The following SS18L1 variants were observed in gnomAD, a reference collection of about 807,000 sequenced individuals.
The protein encoded by SS18L1 is calcium-responsive transactivator.
SS18L1 carries 32 observed loss-of-function variants against 70.3 expected under a neutral mutation model. The observed-to-expected ratio is 0.46, with a 90% CI of 0.34 to 0.61. SS18L1 has a LOEUF of 0.61. Ranked by LOEUF, SS18L1 falls within the 20% of genes least tolerant of loss-of-function variation. The pLI is 0.01. For synonymous variants in SS18L1, 237 were observed against 229.7 expected (o/e 1.03, Z -0.29); for missense variants, 430 against 542.1 (o/e 0.79, Z 2.05).
At chr20:62,149,398 T>C (rs1478143099) in intron 1 of SS18L1, among the ~76,000 whole-genome samples, 1 of 152,218 alleles carries the variant, frequency 6.6e-6, no homozygotes, top group Non-Finnish European at 1.5e-5. Flanking sequence ...GACACTGGTC[T>C]GATTCTAATC....
At chr20:62,146,112 G>A (rs2057021114) in intron 1 of SS18L1, among the ~76,000 whole-genome samples, 1 of 152,100 alleles carries the variant, frequency 6.6e-6, no homozygotes, top group Non-Finnish European at 1.5e-5. Flanking sequence ...TAGTGAAGGA[G>A]AAAGAGGTCT....
chr20:62,152,458 C>T (rs1340084714), intron 1 of SS18L1, among the ~76,000 whole-genome samples: 8 of 152,186 alleles, frequency 5.3e-5, no homozygotes, highest in Non-Finnish European at 5.9e-5. Context: ...AGCTTCAGTG[C>T]TTTCCCGGTG....
intron 10 of SS18L1, chr20:62,175,165 G>T (rs2057599600): frequency 2.2e-6 from 2 of 923,676 alleles, no homozygotes; most frequent in African/African-American, 3.6e-5. Flanking sequence ...GGCAGCCCCA[G>T]GCTCAGCCTA....
At chr20:62,151,715 G>T (rs974601337) in intron 1 of SS18L1, among the ~76,000 whole-genome samples, 1 of 152,206 alleles carries the variant, frequency 6.6e-6, no homozygotes, top group Non-Finnish European at 1.5e-5. Context: ...TTGGGATCTT[G>T]GTCCAGCCAG....
chr20:62,164,394 C>A, intron 7 of SS18L1, 148 bp downstream of exon 7: 1 of 852,740 alleles, frequency 1.2e-6, no homozygotes, highest in Non-Finnish European at 1.8e-6. Flanking sequence ...AGTGGCCAGA[C>A]GCCCTGCAGG....
In SS18L1 at chr20:62,161,311, C is replaced by T; in HGVS notation, c.232-125C>T. 1.5e-6 allele frequency: 2 copies of T among 1,371,054 alleles called. No homozygotes were observed. The highest frequency in any genetic ancestry group is 2.1e-6 in the Non-Finnish European group (2 of 972,838). The allele number at this position is 1,371,054 out of a possible 1,614,324, so 84.9% of individuals were successfully genotyped here. On this transcript the variant is annotated intron_variant, in intron 3 of 10. Transcript: ENST00000331758. This position sits in a 1 kb window ranked among gnomAD's most constrained non-coding sequence, Gnocchi z 4.4. The stretch of plus-strand genomic sequence containing the variant: ...TGTGACGATGGCTGCTGATTACGAA[C>T]ATTGACCAGGTGGCCATGATGTGTG...
In SS18L1 at chr20:62,159,267, G is replaced by A. The variant is rs1473456546; in HGVS notation, c.146+519G>A. Among the ~76,000 whole-genome samples the A allele has an allele frequency of 2.6e-5, 4 of 152,158 alleles. No homozygotes were observed. Among genetic ancestry groups the A allele is most frequent in the African/African-American group, 9.7e-5 (4 of 41,406 alleles). On this transcript the variant is annotated intron_variant, in intron 2 of 10. Coordinates refer to ENST00000331758, the MANE Select transcript of SS18L1 (RefSeq NM_198935.3). The surrounding 1 kb of genome is among the most constrained non-coding windows in gnomAD (Gnocchi z 4.4). ...TGAACCTAGGGCCTGATGCGTAGGA[G>A]GGGTGCGTGGCCAGTCTGCCACCCT...
intron 10 of SS18L1, among the ~76,000 whole-genome samples, chr20:62,175,754 C>T (rs2057609892): frequency 6.6e-6 from 1 of 152,240 alleles, no homozygotes; most frequent in South Asian, 2.1e-4. Context: ...TGCTTCTCGT[C>T]CTCCTTCTTC....
At position 62,164,273 on chromosome 20, in the gene SS18L1, G is replaced by A. The variant is rs111773086; in HGVS notation, c.823+27G>A. 2.7e-4 allele frequency: 421 copies of A among 1,538,048 alleles called. 2 individuals are homozygous for A. The African/African-American group carries it at 4.7e-3, about 17-fold the overall frequency. ...TGAGCACTGGCGGCGGCCTGACCCC[G>A]CCCAGGAACGCAGAGCAGCTGCAGG... On this transcript the variant is annotated intron_variant, in intron 7 of 10. Transcript: ENST00000331758.
chr20:62,146,569 G>T (rs2057029812), intron 1 of SS18L1, among the ~76,000 whole-genome samples: 1 of 149,482 alleles, frequency 6.7e-6, no homozygotes, highest in Non-Finnish European at 1.5e-5. Flanking sequence ...GTGTTCTCTG[G>T]CTTGTAGGTG....
intron 1 of SS18L1, 93 bp downstream of exon 1, chr20:62,143,982 G>T: frequency 4.8e-6 from 4 of 826,872 alleles, no homozygotes; most frequent in Non-Finnish European, 5.8e-6. Context: ...CGCGGGGCGC[G>T]AACAAAGCCG....
intron 1 of SS18L1, among the ~76,000 whole-genome samples, chr20:62,150,257 G>A (rs1375420531): frequency 6.6e-6 from 1 of 152,262 alleles, no homozygotes; most frequent in Admixed American, 6.5e-5. Flanking sequence ...AGTGGAGTCT[G>A]TAGTATCGGC....
chr20:62,172,527 T>C (rs563401732), intron 8 of SS18L1, among the ~76,000 whole-genome samples, 155 bp from the exon 9 acceptor site: 18 of 152,312 alleles, frequency 1.2e-4, no homozygotes, highest in African/African-American at 4.3e-4. Flanking sequence ...GATAAAGGTG[T>C]AGTATAGTAT....
chr20:62,149,984 C>A (rs76838882), intron 1 of SS18L1, among the ~76,000 whole-genome samples: 1 of 152,200 alleles, frequency 6.6e-6, no homozygotes, highest in Non-Finnish European at 1.5e-5. Flanking sequence ...CAGCCCAAAG[C>A]GCCATGAGAC....
rs10673768 is a variant in SS18L1, at chr20:62,146,605, A to ATTTTTTTTTTTTTTTTTTTTTTTTTT, written c.69+2737_69+2738insTTTTTTTTTTTTTTTTTTTTTTTTTT. Among the ~76,000 whole-genome samples, 10 of 79,714 alleles carry ATTTTTTTTTTTTTTTTTTTTTTTTTT rather than the reference A, an allele frequency of 1.3e-4. 1 individual carries two copies. The highest frequency in any genetic ancestry group is 1.5e-4 in the Non-Finnish European group (7 of 45,238). 52.3% of individuals were successfully genotyped at this position (79,714 alleles called of 152,430 possible). A position where few individuals can be genotyped will look rare whatever the true frequency, so the allele number is the denominator to read the frequency against. On this transcript the variant is annotated intron_variant, in intron 1 of 10. Coordinates refer to ENST00000331758, the MANE Select transcript of SS18L1 (RefSeq NM_198935.3). ...CATCCAGCGTGTCTCTGCTTTGATC[A>ATTTTTTTTTTTTTTTTTTTTTTTTTT]TTTTTTTTTTTTTTTTTTTTTGAGA...
rs371311562 is a variant in SS18L1 at position 62,143,771 on chromosome 20, A to G, written c.-50A>G. ...ATGAGCGCCTCGGGCCGCCCAGCGC[A>G]GCCGGAGTATCCACCTCGATGACCA... On this transcript the variant is annotated 5_prime_UTR_variant, in exon 1 of 11. Coordinates refer to ENST00000331758, the MANE Select transcript of SS18L1 (RefSeq NM_198935.3). 29 of 1,276,402 alleles carry G rather than the reference A, an allele frequency of 2.3e-5. No homozygotes were observed. Among genetic ancestry groups the G allele is most frequent in the Non-Finnish European group, 2.9e-5 (28 of 975,880 alleles). The allele number at this position is 1,276,402 out of a possible 1,614,324, so 79.1% of individuals were successfully genotyped here. A position where few individuals can be genotyped will look rare whatever the true frequency, so the allele number is the denominator to read the frequency against.
At chr20:62,152,820 A>C (rs1407959) in intron 1 of SS18L1, among the ~76,000 whole-genome samples, 1 of 152,068 alleles carries the variant, frequency 6.6e-6, no homozygotes, top group Admixed American at 6.5e-5. Context: ...ACACAGACAC[A>C]TAAGAAACTA....
At chr20:62,173,151 C>T (rs1320629554) in intron 9 of SS18L1, among the ~76,000 whole-genome samples, 7 of 152,226 alleles carry the variant, frequency 4.6e-5, no homozygotes, top group African/African-American at 1.2e-4. Flanking sequence ...GCCAGTGTCC[C>T]GTGTATCCAT....
Position 62,164,222 on chromosome 20 carries a change from A to G in SS18L1, c.799A>G (p.Met267Val), listed in dbSNP as rs1231215741. Residue 267 changes from methionine to valine, a missense_variant, in exon 7 of 11, where the codon ATG becomes GTG. Transcript: ENST00000331758. ...YSHSQGAAEPMGQQYYPDGHG... is the reference protein window; with the variant it reads ...YSHSQGAAEPVGQQYYPDGHG... ...CCACAGCCAGGGCGCCGCGGAGCCC[A>G]TGGGCCAGCAGTACTACCCCGACGG... 3 of 1,549,622 alleles carry G rather than the reference A, an allele frequency of 1.9e-6. No homozygotes were observed. Among genetic ancestry groups the G allele is most frequent in the South Asian group, 1.2e-5 (1 of 84,004 alleles).
Sources: gnomAD v4.1 joint callset for allele counts (sites outside exome capture counted in the v4.1 genomes callset) on GRCh38, gnomAD v4.1.1 for gene constraint, Gnocchi (gnomAD v3.1) non-coding constraint, MANE v1.5 for transcripts, NCBI Gene and HGNC (gene_info 2026-07-23, HGNC 2026-07-21) for gene names.